The following FGF12 variants were observed in gnomAD, a reference collection of about 807,000 sequenced individuals.
The protein encoded by FGF12 is fibroblast growth factor 12.
A neutral mutation model predicts 23.6 loss-of-function variants in FGF12; 14 were observed. The observed-to-expected ratio is 0.59, with a 90% CI of 0.39 to 0.93. The LOEUF is 0.93. FGF12 is among the 40% of genes least tolerant of loss of function. The probability of loss-of-function intolerance (pLI) is 0.00; values close to 1 mark genes in which losing one functional copy is unlikely to be tolerated. For missense variants in FGF12, 175 were observed against 217.8 expected (o/e 0.80, Z 1.24); for synonymous variants, 62 against 77.3 (o/e 0.80, Z 1.04).
chr3:192,553,054 A>C (rs577280030), intron 2 of FGF12, among the ~76,000 whole-genome samples: 1 of 152,330 alleles, frequency 6.6e-6, no homozygotes, highest in South Asian at 2.1e-4. Flanking sequence ...AAACATTTTT[A>C]ATAAATGCGT....
At chr3:192,374,585 T>C (rs142102956) in intron 2 of FGF12, among the ~76,000 whole-genome samples, 3 of 152,324 alleles carry the variant, frequency 2.0e-5, no homozygotes, top group East Asian at 1.9e-4. Flanking sequence ...AGAAAACTAA[T>C]AATAACCTTT....
At chr3:192,351,433 G>C (rs1431950927) in intron 3 of FGF12, among the ~76,000 whole-genome samples, 1 of 152,176 alleles carries the variant, frequency 6.6e-6, no homozygotes, top group East Asian at 1.9e-4. Context: ...TGATATTTAA[G>C]GGGTTTGTAC....
Position 192,727,161 on chromosome 3 carries a change from C to G in FGF12, c.13+20G>C, listed in dbSNP as rs749189160. 6.4e-7 allele frequency: 1 copy of G among 1,574,144 alleles called. No homozygotes were observed. Among genetic ancestry groups the G allele is most frequent in the South Asian group, 1.2e-5 (1 of 85,198 alleles). ...CACGCACATGCAGCGGGAAGTCCCC[C>G]GATAGGGACAACCACATACCTTTGC... On this transcript the variant is annotated intron_variant, in intron 2 of 5. Transcript: ENST00000445105.
At chr3:192,476,293 A>C (rs1030324061) in intron 2 of FGF12, among the ~76,000 whole-genome samples, 2 of 152,118 alleles carry the variant, frequency 1.3e-5, no homozygotes, top group African/African-American at 4.8e-5. Context: ...CCTATGAGGA[A>C]AATATTGTTA....
chr3:192,279,230 GTATATATATATATA>G (rs59504943), intron 4 of FGF12, among the ~76,000 whole-genome samples: 2 of 131,922 alleles, frequency 1.5e-5, no homozygotes, highest in Non-Finnish European at 3.2e-5. Context: ...TAATGTATGA[GTATATATATATATA>G]TATATATATA....
At chr3:192,166,961 A>G (rs1715195615) in intron 5 of FGF12, among the ~76,000 whole-genome samples, 1 of 152,118 alleles carries the variant, frequency 6.6e-6, no homozygotes, top group Non-Finnish European at 1.5e-5. Context: ...TTCCCAGAAC[A>G]AAAAGAAAAT....
At chr3:192,190,036 C>A (rs759913155) in intron 4 of FGF12, among the ~76,000 whole-genome samples, 76 of 152,070 alleles carry the variant, frequency 5.0e-4, no homozygotes, top group Non-Finnish European at 1.0e-3. Context: ...TTGAAAAAAG[C>A]ATGGAAGCAC....
chr3:192,371,389 A>G (rs6804526), intron 2 of FGF12, among the ~76,000 whole-genome samples: 36,759 of 152,158 alleles, frequency 0.24, 4,985 homozygotes, highest in Admixed American at 0.35. Context: ...AACGAGCTGC[A>G]TGGTATCCAG....
At chr3:192,417,561 A>G (rs1721396131) in intron 2 of FGF12, among the ~76,000 whole-genome samples, 1 of 152,124 alleles carries the variant, frequency 6.6e-6, no homozygotes, top group Admixed American at 6.6e-5. Flanking sequence ...AATAATCTCA[A>G]TGTCACCTTA....
intron 2 of FGF12, among the ~76,000 whole-genome samples, chr3:192,605,379 CAAA>C (rs34154107): frequency 5.9e-4 from 74 of 124,614 alleles, no homozygotes; most frequent in African/African-American, 1.1e-3. Context: ...GACTCCGTCT[CAAA>C]AAAAAAAAAA....
chr3:192,545,094 A>G (rs2108580276), intron 2 of FGF12, among the ~76,000 whole-genome samples: 1 of 152,320 alleles, frequency 6.6e-6, no homozygotes. Flanking sequence ...CACAATGATC[A>G]GAAACACCTA....
chr3:192,638,840 A>C (rs762869581), intron 2 of FGF12, among the ~76,000 whole-genome samples: 5 of 152,186 alleles, frequency 3.3e-5, no homozygotes, highest in Admixed American at 6.5e-5. Flanking sequence ...CAGTGTCCCA[A>C]ATGATTCCCA....
At chr3:192,694,610 C>T (rs756412342) in intron 2 of FGF12, among the ~76,000 whole-genome samples, 27 of 150,222 alleles carry the variant, frequency 1.8e-4, no homozygotes, top group Non-Finnish European at 2.4e-4. Flanking sequence ...TATATATGTA[C>T]GTAGAGATGG....
chr3:192,679,684 G>A (rs1717452008), intron 2 of FGF12, among the ~76,000 whole-genome samples: 1 of 151,876 alleles, frequency 6.6e-6, no homozygotes, highest in African/African-American at 2.4e-5. Flanking sequence ...CTCATACAGG[G>A]AGGCCCCAGA....
intron 2 of FGF12, among the ~76,000 whole-genome samples, chr3:192,655,980 G>C (rs1421929111): frequency 1.3e-5 from 2 of 148,622 alleles, no homozygotes; most frequent in Non-Finnish European, 3.0e-5. Flanking sequence ...CCAGACACAT[G>C]GGCCGAGAAA....
intron 4 of FGF12, among the ~76,000 whole-genome samples, chr3:192,190,550 A>C (rs1176107597): frequency 1.5e-5 from 2 of 131,568 alleles, no homozygotes; most frequent in African/African-American, 3.0e-5. Context: ...ATCTCGGCTC[A>C]CTGCAAACTC....
chr3:192,246,121 A>G (rs977846150), intron 4 of FGF12, among the ~76,000 whole-genome samples: 4 of 152,198 alleles, frequency 2.6e-5, no homozygotes, highest in Non-Finnish European at 5.9e-5. Context: ...TAGTTTTAAA[A>G]TGCTTCCTCC....
At chr3:192,612,404 T>A (rs1344876162) in intron 2 of FGF12, among the ~76,000 whole-genome samples, 1 of 152,000 alleles carries the variant, frequency 6.6e-6, no homozygotes, top group Non-Finnish European at 1.5e-5. Flanking sequence ...CTGGGATCTA[T>A]AACACACATC....
chr3:192,523,061 A>T (rs1386972420), intron 2 of FGF12, among the ~76,000 whole-genome samples: 1 of 152,230 alleles, frequency 6.6e-6, no homozygotes, highest in Non-Finnish European at 1.5e-5. Flanking sequence ...ATATTACAAC[A>T]AAAATCAGTT....
Sources: allele counts gnomAD v4.1 joint callset (sites outside exome capture counted in the v4.1 genomes callset), GRCh38; gene constraint gnomAD v4.1.1; transcripts MANE v1.5; gene names NCBI Gene and HGNC (gene_info 2026-07-23, HGNC 2026-07-21).